Variants in TBRG1 observed in about 807,000 individuals in gnomAD.
The protein encoded by TBRG1 is nuclear interactor of ARF and MDM2.
In TBRG1, 31 loss-of-function variants were observed where a neutral mutation model predicts 44.0. The observed-to-expected ratio is 0.70, with a 90% confidence interval of 0.53 to 0.95. The LOEUF (loss-of-function observed/expected upper bound fraction) is 0.95. TBRG1 is among the 40% of genes least tolerant of loss of function. The probability of loss-of-function intolerance (pLI) is 0.00; values close to 1 mark genes in which losing one functional copy is unlikely to be tolerated. For synonymous variants in TBRG1, 171 were observed against 188.1 expected (o/e 0.91, Z 0.74); for missense variants, 487 against 496.1 (o/e 0.98, Z 0.18).
intron 1 of TBRG1, among the ~76,000 whole-genome samples, chr11:124,624,603 A>G (rs1245595313): frequency 6.6e-6 from 1 of 152,146 alleles, no homozygotes; most frequent in Admixed American, 6.5e-5. Context: ...TCTTTGCCAA[A>G]GGCTATACTA....
chr11:124,632,023 A>G, intron 8 of TBRG1, 70 bp from the exon 9 acceptor site: 2 of 1,387,776 alleles, frequency 1.4e-6, no homozygotes, highest in East Asian at 2.3e-5. Context: ...AAGGACATGT[A>G]TATGTCTGAC....
chr11:124,623,117 C>T lies in TBRG1; in HGVS notation c.34C>T (p.Arg12Trp). ...GCTGGACGGCCTCGCTTCCTCGCCG[C>T]GGGCTCCGCTGCAGTCCAGCAAGGC... is the stretch of plus-strand genomic sequence containing the variant. ...SLLDGLASSP[R>W]APLQSSKARM... is the part of the protein sequence containing the mutation. Residue 12 changes from arginine to tryptophan, a missense_variant, in exon 1 of 9, where the codon CGG (arginine) becomes TGG (tryptophan). By Grantham distance (101) the Arg-to-Trp change is moderately radical. Transcript: ENST00000441174. 6.4e-7 allele frequency: 1 copy of T among 1,551,106 alleles called. No homozygotes were observed. The highest frequency in any genetic ancestry group is 8.7e-7 in the Non-Finnish European group (1 of 1,146,910).
At position 124,630,382 on chromosome 11, in the gene TBRG1, T is replaced by G; in HGVS notation, c.739-6T>G. 4.4e-6 allele frequency: 7 copies of G among 1,599,490 alleles called. No individual in the cohort carries two copies. The highest frequency in any genetic ancestry group is 6.0e-6 in the Non-Finnish European group (7 of 1,166,706). ...ATTGATCTCATTGCTCGTTTGTCTT[T>G]CTCAGTTTGAAATTGTTCCTGAAGA... On this transcript the variant is annotated splice_polypyrimidine_tract_variant and splice_region_variant and intron_variant, in intron 5 of 8. Transcript: ENST00000441174.
Position 124,631,583 on chromosome 11 carries a change from T to C in TBRG1, c.1090+166T>C, listed in dbSNP as rs1162496961. On this transcript the variant is annotated intron_variant, in intron 8 of 8. Transcript: ENST00000441174. ...GTTAGAGGGGGACCTGCGGCCTGCA[T>C]AGCTTCCTAGATTACTCACAGATGT... is the stretch of plus-strand genomic sequence containing the variant. The C allele has an allele frequency of 5.6e-6, 4 of 715,918 alleles. No homozygotes were observed. The Admixed American group carries it at 7.3e-5, about 13-fold the overall frequency. The allele number at this position is 715,918 out of a possible 1,614,324, so 44.3% of individuals were successfully genotyped here.
chr11:124,633,794 A>G lies in TBRG1; in HGVS notation c.*1556A>G, dbSNP rs1156396513. 1 of 152,222 alleles carries G rather than the reference A, an allele frequency of 6.6e-6. No individual in the cohort carries two copies. The highest frequency in any genetic ancestry group is 2.4e-5 in the African/African-American group (1 of 41,454). 9.4% of individuals were successfully genotyped at this position (152,222 alleles called of 1,614,324 possible). ...GCATAAATGGCTTGAGCATACTGGC[A>G]TTTACACAGAAATGATATATGCTGC... On this transcript the variant is annotated 3_prime_UTR_variant, in exon 9 of 9. Transcript: ENST00000441174.
In TBRG1 at chr11:124,635,663, A is replaced by C. The variant is rs1040244068; in HGVS notation, c.*3425A>C. 5 of 152,246 alleles carry C rather than the reference A, an allele frequency of 3.3e-5. No homozygotes were observed. Among genetic ancestry groups the C allele is most frequent in the Non-Finnish European group, 7.3e-5 (5 of 68,046 alleles). 9.4% of individuals were successfully genotyped at this position (152,246 alleles called of 1,614,324 possible). A position where few individuals can be genotyped will look rare whatever the true frequency, so the allele number is the denominator to read the frequency against. On this transcript the variant is annotated 3_prime_UTR_variant, in exon 9 of 9. Transcript: ENST00000441174. ...TACGTAAAATACATTGTATATGTAC[A>C]GTGAGTGATGCTTTTTGCTTTAGTT...
Position 124,623,067 on chromosome 11 carries a change from CG to C in TBRG1, c.-16del. 6.5e-7 allele frequency: 1 copy of C among 1,530,170 alleles called. No homozygotes were observed. Among genetic ancestry groups the C allele is most frequent in the Non-Finnish European group, 8.8e-7 (1 of 1,137,794 alleles). 94.8% of individuals were successfully genotyped at this position (1,530,170 alleles called of 1,614,324 possible). A position where few individuals can be genotyped will look rare whatever the true frequency, so the allele number is the denominator to read the frequency against. On this transcript the variant is annotated 5_prime_UTR_variant, in exon 1 of 9. Transcript: ENST00000441174. ...GATGCCGGCAGCGTCCTGGGGCCCC[CG>C]TAGCGGGGCTGGACCATGAGCCTGC...
rs1942667726 is a variant in TBRG1, at chr11:124,634,099, C to G, written c.*1861C>G. The G allele has an allele frequency of 1.3e-5, 2 of 152,208 alleles. No homozygotes were observed. The highest frequency in any genetic ancestry group is 4.8e-5 in the African/African-American group (2 of 41,432). 9.4% of individuals were successfully genotyped at this position (152,208 alleles called of 1,614,324 possible). A position where few individuals can be genotyped will look rare whatever the true frequency, so the allele number is the denominator to read the frequency against. The stretch of plus-strand genomic sequence containing the variant: ...GTGGCTCACGCCTGTAATCCCAGCA[C>G]TTTGGGAGGCTGAGGCGGGTGGATC... On this transcript the variant is annotated 3_prime_UTR_variant, in exon 9 of 9. Coordinates refer to ENST00000441174, the MANE Select transcript of TBRG1 (RefSeq NM_032811.3).
In TBRG1 at chr11:124,626,564, G is replaced by A. The variant is rs564565029; in HGVS notation, c.546G>A (p.Val182=). 4.5e-6 allele frequency: 7 copies of A among 1,551,500 alleles called. No homozygotes were observed. Among genetic ancestry groups the A allele is most frequent in the Non-Finnish European group, 6.1e-6 (7 of 1,146,916 alleles). ...CCCTGGATCCCTCAGGACGGCCTGT[G>A]TTCCCCATCGGACTAGGGGGTCTAA... The part of the protein sequence containing the change: ...PIALDPSGRP[V]FPIGLGGLTV... The change falls in exon 4 of 9, where the codon GTG becomes GTA. Residue 182 remains valine, a synonymous_variant. Coordinates refer to ENST00000441174, the MANE Select transcript of TBRG1 (RefSeq NM_032811.3).
chr11:124,631,339 G>C lies in TBRG1; in HGVS notation c.1012G>C (p.Glu338Gln), dbSNP rs1452805200. 3.1e-6 allele frequency: 5 copies of C among 1,613,428 alleles called. No individual in the cohort carries two copies. Among genetic ancestry groups the C allele is most frequent in the Non-Finnish European group, 3.4e-6 (4 of 1,179,566 alleles). Residue 338 changes from glutamate (E) to glutamine (Q), a missense_variant, in exon 8 of 9, where the codon GAG becomes CAG. Coordinates refer to ENST00000441174, the MANE Select transcript of TBRG1 (RefSeq NM_032811.3). ...GDGQLPEGLP[E>Q]NDAAMSFEAF... ...TGGGCAGCTACCTGAGGGGCTGCCG[G>C]AGAATGATGCAGCTATGAGCTTTGA... is the stretch of plus-strand genomic sequence containing the variant.
chr11:124,630,797 T>C lies in TBRG1; in HGVS notation c.889T>C (p.Ser297Pro), dbSNP rs1271219728. The C allele has an allele frequency of 1.2e-6, 2 of 1,607,838 alleles. No individual in the cohort carries two copies. The highest frequency in any genetic ancestry group is 1.1e-5 in the South Asian group (1 of 89,268). ...AGCTGGAGCTGACTTTTTTGGATTT[T>C]CTCATCCAGCCATCCACAACCTGAT... ...LPAGADFFGF[S>P]HPAIHNLIQS... The change falls in exon 7 of 9, where the codon TCT (serine) becomes CCT (proline). Residue 297 changes from serine to proline, a missense_variant. Physicochemically the swap from Ser to Pro is moderately conservative, Grantham distance 74. Transcript: ENST00000441174.
chr11:124,635,365 T>TTAAC lies in TBRG1; in HGVS notation c.*3131_*3134dup, dbSNP rs1368021234. ...GTAAAGTGTGTAGATTTTTTGTTTT[T>TTAAC]TAACTAAATAAAATCTTGGCACTGA... On this transcript the variant is annotated 3_prime_UTR_variant, in exon 9 of 9. Transcript: ENST00000441174. 3 of 151,752 alleles carry TTAAC rather than the reference T, an allele frequency of 2.0e-5. No homozygotes were observed. Among genetic ancestry groups the TTAAC allele is most frequent in the African/African-American group, 4.8e-5 (2 of 41,296 alleles). 9.4% of individuals were successfully genotyped at this position (151,752 alleles called of 1,614,324 possible).
Position 124,626,551 on chromosome 11 carries a change from C to T in TBRG1, c.533C>T (p.Ser178Leu), listed in dbSNP as rs1029676411. Residue 178 changes from serine (S) to leucine (L), a missense_variant, in exon 4 of 9, where the codon TCA becomes TTA. By Grantham distance (145) the Ser-to-Leu change is moderately radical (BLOSUM62 -2). Transcript: ENST00000441174. ...KLVQPIALDP[S>L]GRPVFPIGLG... Reference sequence around the variant, plus strand: ...GTTCAGCCCATTGCCCTGGATCCCTCAGGACGGCCTGTGTTCCCCATCGGA... The same window carrying T: ...GTTCAGCCCATTGCCCTGGATCCCTTAGGACGGCCTGTGTTCCCCATCGGA... 30 of 1,551,518 alleles carry T rather than the reference C, an allele frequency of 1.9e-5. No homozygotes were observed. The Admixed American group carries it at 5.9e-4, about 30-fold the overall frequency.
At chr11:124,630,712 C>T in intron 6 of TBRG1, 33 bp from the exon 7 acceptor site, 1 of 1,457,900 alleles carries the variant, frequency 6.9e-7, no homozygotes, top group South Asian at 1.2e-5. Flanking sequence ...TCCCGCTAAG[C>T]TCTCAAACTA....
At chr11:124,629,556 G>C (rs549578388) in intron 5 of TBRG1, among the ~76,000 whole-genome samples, 1 of 152,240 alleles carries the variant, frequency 6.6e-6, no homozygotes, top group African/African-American at 2.4e-5. Flanking sequence ...ATTGAATCCA[G>C]TGAAATAATA....
chr11:124,623,865 G>C (rs1942397505), intron 1 of TBRG1, among the ~76,000 whole-genome samples: 1 of 152,174 alleles, frequency 6.6e-6, no homozygotes, highest in South Asian at 2.1e-4. Context: ...TAGCTTGCCA[G>C]CCATAACTTT....
intron 5 of TBRG1, among the ~76,000 whole-genome samples, chr11:124,629,296 G>A (rs1389392693): frequency 3.3e-5 from 5 of 151,654 alleles, no homozygotes; most frequent in Admixed American, 6.6e-5. Flanking sequence ...CCAAGATCAC[G>A]CCACTGCACT....
At chr11:124,626,756 G>T in intron 4 of TBRG1, 147 bp downstream of exon 4, 1 of 1,438,406 alleles carries the variant, frequency 7.0e-7, no homozygotes, top group Non-Finnish European at 9.6e-7. Flanking sequence ...AACCAGGTCA[G>T]TGTTGTCTGC....
At position 124,626,578 on chromosome 11, in the gene TBRG1, T is replaced by G; in HGVS notation, c.560T>G (p.Leu187Arg). Residue 187 changes from leucine to arginine, a missense_variant, in exon 4 of 9, where the codon CTA becomes CGA. Physicochemically the swap from Leu to Arg is moderately radical, Grantham distance 102. Transcript: ENST00000441174. ...PSGRPVFPIG[L>R]GGLTVYSLGE... ...GGACGGCCTGTGTTCCCCATCGGAC[T>G]AGGGGGTCTAACAGTATATAGCCTG... 6.4e-7 allele frequency: 1 copy of G among 1,551,606 alleles called. No individual in the cohort carries two copies. The highest frequency in any genetic ancestry group is 8.7e-7 in the Non-Finnish European group (1 of 1,146,914).
Sources: gnomAD v4.1 joint callset for allele counts (sites outside exome capture counted in the v4.1 genomes callset) on GRCh38, gnomAD v4.1.1 for gene constraint, MANE v1.5 for transcripts, NCBI Gene and HGNC (gene_info 2026-07-23, HGNC 2026-07-21) for gene names.